Variants in COL15A1 observed in about 807,000 individuals in gnomAD.
The protein encoded by COL15A1 is collagen alpha-1(XV) chain.
Under a neutral mutation model 165.9 loss-of-function variants are expected in COL15A1, and 111 were observed. The ratio of observed to expected loss-of-function variants is 0.67; its 90% CI spans 0.57 to 0.78. COL15A1 has a LOEUF of 0.78. Among genes scored for constraint, COL15A1 ranks in the 30% least tolerant of loss-of-function variants. COL15A1 has a pLI of 0.00. For missense variants in COL15A1, 1,745 were observed against 1,789.7 expected, an observed-to-expected ratio of 0.98 and a Z score of 0.45; for synonymous variants, 659 against 674.8, an observed-to-expected ratio of 0.98 and a Z score of 0.36.
chr9:98,991,938 T>C (rs1838442133), intron 5 of COL15A1, among the ~76,000 whole-genome samples: 1 of 152,216 alleles, frequency 6.6e-6, no homozygotes, highest in African/African-American at 2.4e-5. Flanking sequence ...GAGCACTGAT[T>C]GGTGCATTTA....
At chr9:99,012,703 CTTTTTTTTTT>C (rs1156464062) in intron 9 of COL15A1, among the ~76,000 whole-genome samples, 1 of 99,742 alleles carries the variant, frequency 1.0e-5, no homozygotes, top group East Asian at 3.7e-4. Flanking sequence ...GTTTCCCACC[CTTTTTTTTTT>C]TTTTTTTTTT....
rs541299512 is a variant in COL15A1, at chr9:99,061,242, C to A, written c.3403-729C>A. ...ATCTAAGTCATTTTGATGCACAAAGCCATTATCTTCAAGGCTAGGTGAAAA... is the reference window on the plus strand; with the variant it reads ...ATCTAAGTCATTTTGATGCACAAAGACATTATCTTCAAGGCTAGGTGAAAA... On this transcript the variant is annotated intron_variant, in intron 36 of 41. Coordinates refer to ENST00000375001, the MANE Select transcript of COL15A1 (RefSeq NM_001855.5). Among the ~76,000 whole-genome samples, 3 of 152,320 alleles carry A rather than the reference C, an allele frequency of 2.0e-5. No individual in the cohort carries two copies. In the South Asian group the frequency reaches 6.2e-4, roughly 32 times the overall value.
intron 2 of COL15A1, among the ~76,000 whole-genome samples, chr9:98,968,047 G>A (rs1018524359): frequency 1.3e-5 from 2 of 152,210 alleles, no homozygotes; most frequent in African/African-American, 2.4e-5. Context: ...AAGCAGACGG[G>A]CTATGGAGTT....
At chr9:98,985,072 G>GT (rs1838285894) in intron 2 of COL15A1, among the ~76,000 whole-genome samples, 1 of 152,100 alleles carries the variant, frequency 6.6e-6, no homozygotes, top group South Asian at 2.1e-4. Flanking sequence ...GATTTTAGGC[G>GT]TGAGCCACCA....
intron 3 of COL15A1, 57 bp from the exon 4 acceptor site, chr9:98,987,237 T>A: frequency 6.6e-7 from 1 of 1,508,798 alleles, no homozygotes; most frequent in Admixed American, 1.8e-5. Flanking sequence ...TGTCTTCCAC[T>A]GGCAGTCATG....
chr9:99,067,407 G>A (rs1316448050), intron 40 of COL15A1, among the ~76,000 whole-genome samples: 1 of 152,268 alleles, frequency 6.6e-6, no homozygotes. Context: ...GAAAACTGAG[G>A]CTCAGAAGAA....
chr9:99,033,151 A>G (rs938026287), intron 16 of COL15A1, among the ~76,000 whole-genome samples: 8 of 152,084 alleles, frequency 5.3e-5, no homozygotes, highest in Admixed American at 1.3e-4. Flanking sequence ...GTTGGTGCAG[A>G]CTGTTGGGAG....
At chr9:98,992,322 C>A (rs1009438498) in intron 5 of COL15A1, among the ~76,000 whole-genome samples, 1 of 152,256 alleles carries the variant, frequency 6.6e-6, no homozygotes, top group African/African-American at 2.4e-5. Context: ...GGGGACCCGG[C>A]ACACCCTCTG....
In COL15A1 at chr9:99,024,949, C is replaced by A; in HGVS notation, c.1930C>A (p.Pro644Thr). 6.2e-7 allele frequency: 1 copy of A among 1,613,802 alleles called. No individual in the cohort carries two copies. Among genetic ancestry groups the A allele is most frequent in the South Asian group, 1.1e-5 (1 of 91,068 alleles). ...GKPGTDVFMG[P>T]PGSPGEDGPA... ...ACCAGGAACTGATGTTTTCATGGGA[C>A]CCCCTGGATCTCCTGGAGAGGATGG... Residue 644 changes from proline to threonine, a missense_variant, in exon 15 of 42, where the codon CCC becomes ACC. By Grantham distance (38) the Pro-to-Thr change is conservative. Coordinates refer to ENST00000375001, the MANE Select transcript of COL15A1 (RefSeq NM_001855.5).
At chr9:99,030,701 T>C (rs1289284775) in intron 16 of COL15A1, among the ~76,000 whole-genome samples, 1 of 152,226 alleles carries the variant, frequency 6.6e-6, no homozygotes, top group Non-Finnish European at 1.5e-5. Flanking sequence ...TTTCACTTTA[T>C]GGACATAATT....
chr9:98,952,871 A>G (rs1022887227), intron 2 of COL15A1, among the ~76,000 whole-genome samples: 1 of 152,170 alleles, frequency 6.6e-6, no homozygotes, highest in East Asian at 1.9e-4. Flanking sequence ...TGTATTACTG[A>G]TCACTTTCTT....
chr9:99,064,096 C>T (rs1825858807), intron 39 of COL15A1, among the ~76,000 whole-genome samples: 2 of 152,056 alleles, frequency 1.3e-5, no homozygotes, highest in Admixed American at 1.3e-4. Flanking sequence ...AAGGGTCTTT[C>T]TTCCTCCCAA....
intron 21 of COL15A1, 30 bp downstream of exon 21, chr9:99,036,426 A>G (rs761705752): frequency 1.2e-6 from 2 of 1,609,224 alleles, no homozygotes; most frequent in Non-Finnish European, 1.7e-6. Flanking sequence ...GAGCTTGTCT[A>G]CATATTTTCC....
At chr9:99,022,194 C>G (rs993124690) in intron 13 of COL15A1, 44 bp downstream of exon 13, 3 of 1,612,444 alleles carry the variant, frequency 1.9e-6, no homozygotes, top group Non-Finnish European at 2.5e-6. Flanking sequence ...GGTGTAAGAC[C>G]AGGGATGCGG....
chr9:98,961,249 C>T (rs10819518), intron 2 of COL15A1, among the ~76,000 whole-genome samples: 55,972 of 152,060 alleles, frequency 0.37, 10,815 homozygotes, highest in East Asian at 0.56. Context: ...GCTGCTTGCC[C>T]TCTAGGATCC....
intron 5 of COL15A1, among the ~76,000 whole-genome samples, chr9:98,992,075 G>C (rs57210229): frequency 1.3e-5 from 2 of 152,258 alleles, no homozygotes; most frequent in Non-Finnish European, 2.9e-5. Flanking sequence ...TCCCGCACGA[G>C]GGCAGCAGGT....
chr9:99,049,984 A>G (rs927294794), intron 30 of COL15A1, 89 bp downstream of exon 30: 7 of 1,558,922 alleles, frequency 4.5e-6, no homozygotes, highest in African/African-American at 4.1e-5. Context: ...GGCCCTTTCT[A>G]TCCTCAAATG....
chr9:99,024,770 A>G, intron 14 of COL15A1, 104 bp from the exon 15 acceptor site: 2 of 1,369,206 alleles, frequency 1.5e-6, no homozygotes, highest in Non-Finnish European at 2.0e-6. Flanking sequence ...ACCAAACCCT[A>G]CATGTAGGAT....
chr9:99,067,495 A>G (rs1461369749), intron 40 of COL15A1, among the ~76,000 whole-genome samples: 1 of 152,190 alleles, frequency 6.6e-6, no homozygotes, highest in Non-Finnish European at 1.5e-5. Context: ...TGCCCATTTA[A>G]GCAGATATTT....
Sources: allele counts gnomAD v4.1 joint callset (sites outside exome capture counted in the v4.1 genomes callset), GRCh38; gene constraint gnomAD v4.1.1; transcripts MANE v1.5; gene names NCBI Gene and HGNC (gene_info 2026-07-23, HGNC 2026-07-21).